KCNA1: variants seen among roughly 807,000 people sequenced by gnomAD.
The protein encoded by KCNA1 is potassium channel, voltage gated shaker related subfamily A, member 1.
Under a neutral mutation model 28.8 loss-of-function variants are expected in KCNA1, and 19 were observed. That is an observed-to-expected ratio of 0.66 (90% confidence interval 0.46 to 0.97). The LOEUF is 0.97. Ranked by LOEUF, KCNA1 falls within the 50% of genes least tolerant of loss-of-function variation. The pLI is 0.00. For missense variants in KCNA1, 419 were observed against 659.7 expected, an observed-to-expected ratio of 0.64 and a Z score of 4.00; for synonymous variants, 311 against 268.8, an observed-to-expected ratio of 1.16 and a Z score of -1.53.
Position 4,910,573 on chromosome 12 carries a change from C to G in KCNA1, c.-540+101C>G, listed in dbSNP as rs1260646096. 2.0e-5 allele frequency: 3 copies of G among 152,222 alleles called. No individual in the cohort carries two copies. Among genetic ancestry groups the G allele is most frequent in the Non-Finnish European group, 4.4e-5 (3 of 68,062 alleles). 9.4% of individuals were successfully genotyped at this position (152,222 alleles called of 1,614,324 possible). ...ATGCTGTCCGGGACCCTGAGCTTCC[C>G]CCGGCGTCTCTCGGCGCTTTTCCGA... On this transcript the variant is annotated intron_variant, in intron 1 of 1. Coordinates refer to ENST00000382545, the MANE Select transcript of KCNA1 (RefSeq NM_000217.3). The surrounding 1 kb of genome is among the most constrained non-coding windows in gnomAD (Gnocchi z 4.9).
chr12:4,910,442 GCACC>G lies in KCNA1; in HGVS notation c.-569_-566del, dbSNP rs1947342418. ...CCCACTCGGGCTCTCCGCTGACTCA[GCACC>G]GCCCCTGCGCCAAGCCAGCCGGCCA... On this transcript the variant is annotated 5_prime_UTR_variant, in exon 1 of 2. It removes the in-frame stop codon of an upstream open reading frame in the 5' UTR. Transcript: ENST00000382545. This position sits in a 1 kb window ranked among gnomAD's most constrained non-coding sequence, Gnocchi z 4.9. The G allele has an allele frequency of 6.8e-6, 1 of 147,630 alleles. No individual in the cohort carries two copies. The highest frequency in any genetic ancestry group is 2.5e-5 in the African/African-American group (1 of 40,640). 9.1% of individuals were successfully genotyped at this position (147,630 alleles called of 1,614,324 possible).
rs1248796668 is a variant in KCNA1 at position 4,917,335 on chromosome 12, ATG to A, written c.*4472_*4473del. ...TTTATATCATGGAATTTCAGGGTAT[ATG>A]TGAACATGTCTAGTATGACTCAGGT... On this transcript the variant is annotated 3_prime_UTR_variant, in exon 2 of 2. Coordinates refer to ENST00000382545, the MANE Select transcript of KCNA1 (RefSeq NM_000217.3). 1.8e-5 allele frequency: 3 copies of A among 167,104 alleles called. No individual in the cohort carries two copies. Among genetic ancestry groups the A allele is most frequent in the African/African-American group, 7.2e-5 (3 of 41,454 alleles). The allele number at this position is 167,104 out of a possible 1,614,324, so 10.4% of individuals were successfully genotyped here. A position where few individuals can be genotyped will look rare whatever the true frequency, so the allele number is the denominator to read the frequency against.
Position 4,911,946 on chromosome 12 carries a change from C to G in KCNA1, c.568C>G (p.Pro190Ala). 1 of 1,614,060 alleles carries G rather than the reference C, an allele frequency of 6.2e-7. No individual in the cohort carries two copies. Among genetic ancestry groups the G allele is most frequent in the South Asian group, 1.1e-5 (1 of 91,066 alleles). The change falls in exon 2 of 2, where the codon CCC becomes GCC. Residue 190 changes from proline (P) to alanine (A), a missense_variant. Physicochemically the swap from Pro to Ala is conservative, Grantham distance 27. Coordinates refer to ENST00000382545, the MANE Select transcript of KCNA1 (RefSeq NM_000217.3). The surrounding 1 kb of genome is among the most constrained non-coding windows in gnomAD (Gnocchi z 6.6). ...CGTCATCTTTTGCCTGGAGACGCTCCCCGAGCTGAAGGATGACAAGGACTT... is the reference window on the plus strand; with the variant it reads ...CGTCATCTTTTGCCTGGAGACGCTCGCCGAGCTGAAGGATGACAAGGACTT... ...SIVIFCLETL[P>A]ELKDDKDFTG...
rs1184368021 is a variant in KCNA1, at chr12:4,912,656, G to A, written c.1278G>A (p.Gln426=). 1 of 1,611,728 alleles carries A rather than the reference G, an allele frequency of 6.2e-7. No individual in the cohort carries two copies. The highest frequency in any genetic ancestry group is 8.5e-7 in the Non-Finnish European group (1 of 1,179,756). The change falls in exon 2 of 2, where the codon CAG becomes CAA. Residue 426 remains glutamine, a synonymous_variant. Transcript: ENST00000382545. Reference sequence around the variant, plus strand: ...AAACTGAGGGGGAAGAGCAGGCTCAGTTGCTCCACGTCAGTTCCCCTAACT... The same window carrying A: ...AAACTGAGGGGGAAGAGCAGGCTCAATTGCTCCACGTCAGTTCCCCTAACT... ...HRETEGEEQA[Q]LLHVSSPNLA...
rs944218644 is a variant in KCNA1, at chr12:4,914,162, T to C, written c.*1296T>C. On this transcript the variant is annotated 3_prime_UTR_variant, in exon 2 of 2. Coordinates refer to ENST00000382545, the MANE Select transcript of KCNA1 (RefSeq NM_000217.3). ...TGCTCAGGGAAATACCAGGTTTTTG[T>C]GCAGGTATAGGCGGAGAGAGGACCA... The C allele has an allele frequency of 6.0e-6, 1 of 167,050 alleles. No individual in the cohort carries two copies. The highest frequency in any genetic ancestry group is 1.5e-5 in the Non-Finnish European group (1 of 68,120). The allele number at this position is 167,050 out of a possible 1,614,324, so 10.3% of individuals were successfully genotyped here. A position where few individuals can be genotyped will look rare whatever the true frequency, so the allele number is the denominator to read the frequency against.
In KCNA1 at chr12:4,911,618, C is replaced by G. The variant is rs368673884; in HGVS notation, c.240C>G (p.Tyr80Ter). ...MRYFDPLRNE[Y>*]FFDRNRPSFD... ...ACTTCGACCCCCTGAGGAACGAGTA[C>G]TTCTTCGACCGCAACCGGCCCAGCT... is the stretch of plus-strand genomic sequence containing the variant. Residue 80 changes from tyrosine to a stop codon, truncating the protein, a stop_gained, in exon 2 of 2, where the codon TAC becomes TAG. Coordinates refer to ENST00000382545, the MANE Select transcript of KCNA1 (RefSeq NM_000217.3). LOFTEE classifies it high-confidence loss of function. This position sits in a 1 kb window ranked among gnomAD's most constrained non-coding sequence, Gnocchi z 6.6. 6.2e-7 allele frequency: 1 copy of G among 1,614,194 alleles called. No homozygotes were observed. Among genetic ancestry groups the G allele is most frequent in the Non-Finnish European group, 8.5e-7 (1 of 1,180,048 alleles).
rs755064500 is a variant in KCNA1 at position 4,911,452 on chromosome 12, C to T, written c.74C>T (p.Pro25Leu). The change falls in exon 2 of 2, where the codon CCC (proline) becomes CTC (leucine). Residue 25 changes from proline (P) to leucine (L), a missense_variant. Physicochemically the swap from Pro to Leu is moderately conservative, Grantham distance 98. This residue lies in a region of KCNA1 where 67 missense variants were observed against 57.2 expected (regional missense o/e 1.17). Coordinates refer to ENST00000382545, the MANE Select transcript of KCNA1 (RefSeq NM_000217.3). The surrounding 1 kb of genome is among the most constrained non-coding windows in gnomAD (Gnocchi z 6.6). ...APGHPQDGSY[P>L]RQADHDDHEC... Reference sequence around the variant, plus strand: ...GGCCACCCCCAGGATGGCAGCTACCCCCGGCAGGCCGACCACGACGACCAC... The same window carrying T: ...GGCCACCCCCAGGATGGCAGCTACCTCCGGCAGGCCGACCACGACGACCAC... 27 of 1,613,764 alleles carry T rather than the reference C, an allele frequency of 1.7e-5. No individual in the cohort carries two copies. Among genetic ancestry groups the T allele is most frequent in the Non-Finnish European group, 2.2e-5 (26 of 1,179,972 alleles).
At position 4,914,092 on chromosome 12, in the gene KCNA1, T is replaced by G; in HGVS notation, c.*1226T>G. On this transcript the variant is annotated 3_prime_UTR_variant, in exon 2 of 2. Coordinates refer to ENST00000382545, the MANE Select transcript of KCNA1 (RefSeq NM_000217.3). ...TGTGGGGTGAAAGGCCCAATAGAAA[T>G]TATGGGGGGTGGGGGTGGGGGCACT... is the stretch of plus-strand genomic sequence containing the variant. 6.4e-6 allele frequency: 1 copy of G among 156,870 alleles called. No individual in the cohort carries two copies. The highest frequency in any genetic ancestry group is 2.7e-5 in the African/African-American group (1 of 37,472). 9.7% of individuals were successfully genotyped at this position (156,870 alleles called of 1,614,324 possible). A position where few individuals can be genotyped will look rare whatever the true frequency, so the allele number is the denominator to read the frequency against.
At position 4,915,567 on chromosome 12, in the gene KCNA1, G is replaced by A. The variant is rs1358554714; in HGVS notation, c.*2701G>A. The A allele has an allele frequency of 6.0e-6, 1 of 167,088 alleles. No homozygotes were observed. The highest frequency in any genetic ancestry group is 2.4e-5 in the African/African-American group (1 of 41,438). 10.4% of individuals were successfully genotyped at this position (167,088 alleles called of 1,614,324 possible). A position where few individuals can be genotyped will look rare whatever the true frequency, so the allele number is the denominator to read the frequency against. ...GAACTGCGCAGCATCCGACTACAGG[G>A]CATTAAACCCTCCCATGTGATGTCT... On this transcript the variant is annotated 3_prime_UTR_variant, in exon 2 of 2. Coordinates refer to ENST00000382545, the MANE Select transcript of KCNA1 (RefSeq NM_000217.3).
At position 4,916,712 on chromosome 12, in the gene KCNA1, A is replaced by G. The variant is rs889203157; in HGVS notation, c.*3846A>G. 2 of 167,120 alleles carry G rather than the reference A, an allele frequency of 1.2e-5. No individual in the cohort carries two copies. Among genetic ancestry groups the G allele is most frequent in the African/African-American group, 4.8e-5 (2 of 41,462 alleles). The allele number at this position is 167,120 out of a possible 1,614,324, so 10.4% of individuals were successfully genotyped here. A position where few individuals can be genotyped will look rare whatever the true frequency, so the allele number is the denominator to read the frequency against. On this transcript the variant is annotated 3_prime_UTR_variant, in exon 2 of 2. Transcript: ENST00000382545. Reference sequence around the variant, plus strand: ...GAAATGAATTGTAGGGCAGGTTTAGATTCCACTATGGTGGACGTGAAGCAC... The same window carrying G: ...GAAATGAATTGTAGGGCAGGTTTAGGTTCCACTATGGTGGACGTGAAGCAC...
Position 4,912,671 on chromosome 12 carries a change from T to A in KCNA1, c.1293T>A (p.Ser431Arg). 6.2e-7 allele frequency: 1 copy of A among 1,609,852 alleles called. No individual in the cohort carries two copies. Among genetic ancestry groups the A allele is most frequent in the Non-Finnish European group, 8.5e-7 (1 of 1,179,486 alleles). ...AGCAGGCTCAGTTGCTCCACGTCAG[T>A]TCCCCTAACTTAGCCTCTGACAGTG... ...GEEQAQLLHV[S>R]SPNLASDSDL... The change falls in exon 2 of 2, where the codon AGT (serine) becomes AGA (arginine). Residue 431 changes from serine (S) to arginine (R), a missense_variant. Ser to Arg is a moderately radical substitution (Grantham distance 110). This residue lies in a region of KCNA1 where 81 missense variants were observed against 86.5 expected (regional missense o/e 0.94). Coordinates refer to ENST00000382545, the MANE Select transcript of KCNA1 (RefSeq NM_000217.3).
At position 4,915,420 on chromosome 12, in the gene KCNA1, C is replaced by T. The variant is rs768068963; in HGVS notation, c.*2554C>T. 9.6e-5 allele frequency: 16 copies of T among 167,034 alleles called. No individual in the cohort carries two copies. Among genetic ancestry groups the T allele is most frequent in the South Asian group, 4.1e-4 (2 of 4,820 alleles). The allele number at this position is 167,034 out of a possible 1,614,324, so 10.3% of individuals were successfully genotyped here. A position where few individuals can be genotyped will look rare whatever the true frequency, so the allele number is the denominator to read the frequency against. On this transcript the variant is annotated 3_prime_UTR_variant, in exon 2 of 2. Transcript: ENST00000382545. ...CAGTGAGGCAATCACCCTAGAAACTCGAGTTACACCCATTCTGGCTAACTC... is the reference window on the plus strand; with the variant it reads ...CAGTGAGGCAATCACCCTAGAAACTTGAGTTACACCCATTCTGGCTAACTC...
At position 4,912,715 on chromosome 12, in the gene KCNA1, C is replaced by T. The variant is rs1225925083; in HGVS notation, c.1337C>T (p.Ser446Phe). Reference protein sequence around the residue: ...ASDSDLSRRSSSTMSKSEYME... With the variant: ...ASDSDLSRRSFSTMSKSEYME... ...GACAGTGACCTCAGTCGCCGCAGTT[C>T]CTCTACTATGAGCAAGTCTGAGTAC... is the stretch of plus-strand genomic sequence containing the variant. Residue 446 changes from serine to phenylalanine, a missense_variant, in exon 2 of 2, where the codon TCC becomes TTC. Around this residue, in one of 4 missense-constraint regions of KCNA1, gnomAD observed 81 missense variants for 86.5 expected, o/e 0.94. Transcript: ENST00000382545. 3.1e-6 allele frequency: 5 copies of T among 1,613,284 alleles called. No individual in the cohort carries two copies. Among genetic ancestry groups the T allele is most frequent in the Non-Finnish European group, 4.2e-6 (5 of 1,179,984 alleles).
rs971885728 is a variant in KCNA1 at position 4,911,780 on chromosome 12, G to A, written c.402G>A (p.Glu134=). 1.2e-6 allele frequency: 2 copies of A among 1,613,922 alleles called. No homozygotes were observed. The highest frequency in any genetic ancestry group is 2.7e-5 in the African/African-American group (2 of 74,912). ...CCATGGAGAAGTTCCGGGAGGACGA[G>A]GGCTTCATCAAGGAGGAGGAGCGCC... ...EEAMEKFRED[E]GFIKEEERPL... is the part of the protein sequence containing the mutation. Residue 134 remains glutamate (E), a synonymous_variant, in exon 2 of 2, where the codon GAG becomes GAA. Transcript: ENST00000382545. This position sits in a 1 kb window ranked among gnomAD's most constrained non-coding sequence, Gnocchi z 6.6.
Position 4,911,333 on chromosome 12 carries a change from C to A in KCNA1, c.-46C>A. ...ACCCCTGGTCCCTGGCTGCTTCCCA[C>A]CCCGGGCTCTCTCCTGGCCTCCCAC... is the stretch of plus-strand genomic sequence containing the variant. On this transcript the variant is annotated 5_prime_UTR_variant, in exon 2 of 2. Transcript: ENST00000382545. This position sits in a 1 kb window ranked among gnomAD's most constrained non-coding sequence, Gnocchi z 6.6. The A allele has an allele frequency of 1.3e-6, 2 of 1,590,208 alleles. No homozygotes were observed. Among genetic ancestry groups the A allele is most frequent in the South Asian group, 1.1e-5 (1 of 89,310 alleles).
chr12:4,917,210 A>C lies in KCNA1; in HGVS notation c.*4344A>C, dbSNP rs1735885799. On this transcript the variant is annotated 3_prime_UTR_variant, in exon 2 of 2. Coordinates refer to ENST00000382545, the MANE Select transcript of KCNA1 (RefSeq NM_000217.3). ...TTTGATGTTTATGTTCATTTTAAGA[A>C]GACAAACAAACTAAAATTTTAAGAC... 1 of 167,140 alleles carries C rather than the reference A, an allele frequency of 6.0e-6. No individual in the cohort carries two copies. Among genetic ancestry groups the C allele is most frequent in the Non-Finnish European group, 1.5e-5 (1 of 68,136 alleles). The allele number at this position is 167,140 out of a possible 1,614,324, so 10.4% of individuals were successfully genotyped here. A position where few individuals can be genotyped will look rare whatever the true frequency, so the allele number is the denominator to read the frequency against.
rs930885195 is a variant in KCNA1 at position 4,910,138 on chromosome 12, G to T, written c.-874G>T. ...AGTGCTGTTTATCGTCATTTGCCTC[G>T]GAGCTTCGAGAGAGGGTGGTATTTT... is the stretch of plus-strand genomic sequence containing the variant. On this transcript the variant is annotated 5_prime_UTR_variant, in exon 1 of 2. Coordinates refer to ENST00000382545, the MANE Select transcript of KCNA1 (RefSeq NM_000217.3). This position sits in a 1 kb window ranked among gnomAD's most constrained non-coding sequence, Gnocchi z 4.9. The T allele has an allele frequency of 3.7e-4, 57 of 152,780 alleles. No individual in the cohort carries two copies. The highest frequency in any genetic ancestry group is 1.9e-4 in the East Asian group (1 of 5,170). The allele number at this position is 152,780 out of a possible 1,614,324, so 9.5% of individuals were successfully genotyped here.
chr12:4,910,326 A>C lies in KCNA1; in HGVS notation c.-686A>C, dbSNP rs1015518302. On this transcript the variant is annotated 5_prime_UTR_variant, in exon 1 of 2. Coordinates refer to ENST00000382545, the MANE Select transcript of KCNA1 (RefSeq NM_000217.3). This position sits in a 1 kb window ranked among gnomAD's most constrained non-coding sequence, Gnocchi z 4.9. ...GAGAGGGGCGTCGGACGAGTGGACCAGGGCGGCGAGTTTGCCCGGCGCGTC... is the reference window on the plus strand; with the variant it reads ...GAGAGGGGCGTCGGACGAGTGGACCCGGGCGGCGAGTTTGCCCGGCGCGTC... The C allele has an allele frequency of 3.9e-5, 6 of 152,244 alleles. No individual in the cohort carries two copies. The highest frequency in any genetic ancestry group is 3.9e-4 in the Admixed American group (6 of 15,282). The allele number at this position is 152,244 out of a possible 1,614,324, so 9.4% of individuals were successfully genotyped here.
Position 4,912,177 on chromosome 12 carries a change from A to G in KCNA1, c.799A>G (p.Ile267Val). The change falls in exon 2 of 2, where the codon ATC becomes GTC. Residue 267 changes from isoleucine (I) to valine (V), a missense_variant. By Grantham distance (29) the Ile-to-Val change is conservative. This residue lies in a region of KCNA1 where 217 missense variants were observed against 329.6 expected (regional missense o/e 0.66). Transcript: ENST00000382545. ...CATTGTGGCCATCATTCCTTATTTC[A>G]TCACGCTGGGCACCGAGATAGCTGA... is the stretch of plus-strand genomic sequence containing the variant. ...IDIVAIIPYFITLGTEIAEQE... is the reference protein window; with the variant it reads ...IDIVAIIPYFVTLGTEIAEQE... The G allele has an allele frequency of 6.2e-7, 1 of 1,612,792 alleles. No homozygotes were observed.
Sources: allele counts gnomAD v4.1 joint callset, GRCh38; gene constraint gnomAD v4.1.1; regional missense constraint gnomAD v4.1.1; non-coding constraint Gnocchi (gnomAD v3.1); transcripts MANE v1.5; gene names NCBI Gene and HGNC (gene_info 2026-07-23, HGNC 2026-07-21).